Variants in GPC6 observed in about 807,000 individuals in gnomAD.
GPC6 encodes glypican-6.
Under a neutral mutation model 55.2 loss-of-function variants are expected in GPC6, and 14 were observed. The observed-to-expected ratio is 0.25, with a 90% CI of 0.17 to 0.40. GPC6 has a LOEUF of 0.40. Among genes scored for constraint, GPC6 ranks in the 10% least tolerant of loss-of-function variants. The pLI, the probability that GPC6 is intolerant of heterozygous loss-of-function variation, is 1.00. For missense variants in GPC6, 641 were observed against 708.5 expected, an observed-to-expected ratio of 0.90 and a Z score of 1.08; for synonymous variants, 278 against 259.6, an observed-to-expected ratio of 1.07 and a Z score of -0.68.
intron 2 of GPC6, among the ~76,000 whole-genome samples, chr13:93,763,379 G>A (rs1258776752): frequency 6.6e-6 from 1 of 152,146 alleles, no homozygotes; most frequent in Non-Finnish European, 1.5e-5. Context: ...AGGGCAAGGT[G>A]GTGAGGTGGC....
At chr13:93,633,662 A>ATAAG in intron 2 of GPC6, among the ~76,000 whole-genome samples, 1 of 150,980 alleles carries the variant, frequency 6.6e-6, no homozygotes, top group East Asian at 1.9e-4. Context: ...AAATAAATAA[A>ATAAG]TAAATAAATA....
chr13:94,114,096 C>CAAA (rs10581935), intron 4 of GPC6, among the ~76,000 whole-genome samples: 2 of 34,366 alleles, frequency 5.8e-5, no homozygotes, highest in African/African-American at 1.1e-4. Flanking sequence ...TTAGCTTTAT[C>CAAA]AAAAAAAAAA....
At chr13:94,213,959 A>T (rs769427947) in intron 4 of GPC6, among the ~76,000 whole-genome samples, 13 of 152,156 alleles carry the variant, frequency 8.5e-5, no homozygotes, top group Non-Finnish European at 1.8e-4. Context: ...GGCAATATAC[A>T]TTTTCTGAAA....
At chr13:93,682,904 G>C (rs1456480593) in intron 2 of GPC6, among the ~76,000 whole-genome samples, 1 of 151,360 alleles carries the variant, frequency 6.6e-6, no homozygotes, top group African/African-American at 2.4e-5. Context: ...TGTAATCCTA[G>C]CTACTTGGGA....
At chr13:94,082,110 G>T (rs1885121895) in intron 4 of GPC6, among the ~76,000 whole-genome samples, 1 of 151,858 alleles carries the variant, frequency 6.6e-6, no homozygotes, top group South Asian at 2.1e-4. Flanking sequence ...CAAAGTGCTG[G>T]GACTATAGGC....
At chr13:93,513,133 G>A (rs905170741) in intron 1 of GPC6, among the ~76,000 whole-genome samples, 42 of 152,216 alleles carry the variant, frequency 2.8e-4, no homozygotes, top group African/African-American at 9.9e-4. Context: ...CTTTTCACTG[G>A]TTCTCTCTCC....
chr13:93,528,856 A>G (rs1881754556), intron 1 of GPC6, among the ~76,000 whole-genome samples: 1 of 152,222 alleles, frequency 6.6e-6, no homozygotes, highest in Admixed American at 6.5e-5. Context: ...ATACTTAAAA[A>G]TACTTTCAAG....
chr13:93,355,970 G>C (rs919922577), intron 1 of GPC6, among the ~76,000 whole-genome samples: 1 of 152,152 alleles, frequency 6.6e-6, no homozygotes. Flanking sequence ...TTGGACACAG[G>C]GAACTCAGAG....
intron 3 of GPC6, among the ~76,000 whole-genome samples, chr13:94,019,968 T>C (rs1377520293): frequency 6.6e-6 from 1 of 152,176 alleles, no homozygotes; most frequent in South Asian, 2.1e-4. Flanking sequence ...AAGAACCAGT[T>C]GTTGGTTCCA....
chr13:94,234,891 A>G (rs913085048), intron 4 of GPC6, among the ~76,000 whole-genome samples: 17 of 152,172 alleles, frequency 1.1e-4, no homozygotes, highest in Non-Finnish European at 2.2e-4. Flanking sequence ...AATTCCACTT[A>G]TATGAGTTAT....
intron 2 of GPC6, among the ~76,000 whole-genome samples, chr13:93,816,739 CA>C (rs1886865846): frequency 6.6e-6 from 1 of 151,500 alleles, no homozygotes; most frequent in African/African-American, 2.4e-5. Context: ...AAAAAAAACA[CA>C]AACTATATTC....
intron 1 of GPC6, among the ~76,000 whole-genome samples, chr13:93,355,140 C>T (rs1023953870): frequency 6.6e-6 from 1 of 152,146 alleles, no homozygotes; most frequent in East Asian, 1.9e-4. Flanking sequence ...TAAATATTAA[C>T]GTTCCTCTCC....
intron 6 of GPC6, among the ~76,000 whole-genome samples, chr13:94,353,267 T>C (rs1008956244): frequency 5.3e-5 from 8 of 151,548 alleles, no homozygotes; most frequent in African/African-American, 1.9e-4. Context: ...CAAGCAAAAA[T>C]GAGTGCGGCT....
chr13:93,566,364 C>T lies in GPC6; in HGVS notation c.319+20943C>T, dbSNP rs147579019. On this transcript the variant is annotated intron_variant, in intron 2 of 8. Coordinates refer to ENST00000377047, the MANE Select transcript of GPC6 (RefSeq NM_005708.5). ...ATATAAAAAGCATTTTTAATGACAACGTCAAATAAATTTCACTCTATTAAA... is the reference window on the plus strand; with the variant it reads ...ATATAAAAAGCATTTTTAATGACAATGTCAAATAAATTTCACTCTATTAAA... Among the ~76,000 whole-genome samples the T allele has an allele frequency of 1.5e-4, 23 of 152,214 alleles. No homozygotes were observed. The East Asian group carries it at 1.9e-3, about 13-fold the overall frequency.
At position 94,180,878 on chromosome 13, in the gene GPC6, CAG is replaced by C. The variant is rs71272207; in HGVS notation, c.878-105452_878-105451del. 7.9e-4 allele frequency among the ~76,000 whole-genome samples: 117 copies of C among 149,044 alleles called. 1 individual carries two copies. The South Asian group carries it at 8.5e-3, about 11-fold the overall frequency. ...TACGTGTGTATAAGAGAGACACACA[CAG>C]AGAGAGAGAGAGAGAGAGGGAGAGA... is the stretch of plus-strand genomic sequence containing the variant. On this transcript the variant is annotated intron_variant, in intron 4 of 8. Transcript: ENST00000377047.
intron 1 of GPC6, among the ~76,000 whole-genome samples, chr13:93,297,233 G>C (rs1878525604): frequency 1.3e-5 from 2 of 152,160 alleles, no homozygotes; most frequent in African/African-American, 4.8e-5. Flanking sequence ...GGGAGTTCAA[G>C]ACCAGCCTTG....
chr13:93,770,959 G>A (rs914681776), intron 2 of GPC6, among the ~76,000 whole-genome samples: 18 of 150,898 alleles, frequency 1.2e-4, no homozygotes, highest in Non-Finnish European at 2.5e-4. Context: ...TAACCCTCTA[G>A]GTAGCAGAGG....
chr13:93,494,513 G>T (rs1880173033), intron 1 of GPC6, among the ~76,000 whole-genome samples: 1 of 152,160 alleles, frequency 6.6e-6, no homozygotes, highest in Non-Finnish European at 1.5e-5. Flanking sequence ...GGAGAATTTA[G>T]TCCATTTACA....
intron 2 of GPC6, among the ~76,000 whole-genome samples, chr13:93,819,591 T>G (rs962697350): frequency 2.0e-5 from 3 of 152,208 alleles, no homozygotes; most frequent in Non-Finnish European, 4.4e-5. Context: ...CCATTTTCTT[T>G]AGGCCAGTGC....
Sources: gnomAD v4.1 joint callset for allele counts (sites outside exome capture counted in the v4.1 genomes callset) on GRCh38, gnomAD v4.1.1 for gene constraint, MANE v1.5 for transcripts, NCBI Gene and HGNC (gene_info 2026-07-23, HGNC 2026-07-21) for gene names.